UTRN: variants seen among roughly 807,000 people sequenced by gnomAD.
UTRN encodes the protein dystrophin-related protein 1.
UTRN carries 283 observed loss-of-function variants against 463.9 expected under a neutral mutation model. The observed-to-expected ratio is 0.61, with a 90% CI of 0.55 to 0.67. UTRN has a LOEUF of 0.67. Ranked by LOEUF, UTRN falls within the 30% of genes least tolerant of loss-of-function variation. UTRN has a pLI of 0.00. For missense variants in UTRN, 3,922 were observed against 4,084.3 expected, an observed-to-expected ratio of 0.96 and a Z score of 1.08; for synonymous variants, 1,442 against 1,431.5, an observed-to-expected ratio of 1.01 and a Z score of -0.17.
intron 3 of UTRN, among the ~76,000 whole-genome samples, chr6:144,407,796 C>T (rs989856021): frequency 5.3e-5 from 8 of 152,128 alleles, no homozygotes; most frequent in African/African-American, 1.7e-4. Flanking sequence ...TCCTTGTGAA[C>T]ATATCATGGA....
intron 45 of UTRN, among the ~76,000 whole-genome samples, chr6:144,540,930 T>G (rs1258154668): frequency 6.6e-6 from 1 of 152,216 alleles, no homozygotes; most frequent in Non-Finnish European, 1.5e-5. Flanking sequence ...CTACAATTCT[T>G]TCGACTTTTC....
chr6:144,745,218 T>C (rs1790581207), intron 54 of UTRN, among the ~76,000 whole-genome samples: 1 of 152,214 alleles, frequency 6.6e-6, no homozygotes, highest in African/African-American at 2.4e-5. Flanking sequence ...AAGTAACATT[T>C]GTCCTTTGAT....
intron 10 of UTRN, among the ~76,000 whole-genome samples, chr6:144,436,619 G>T (rs2114889339): frequency 6.6e-6 from 1 of 151,742 alleles, no homozygotes; most frequent in East Asian, 1.9e-4. Flanking sequence ...ACTATATGGA[G>T]ATTTCTTTTG....
At chr6:144,403,495 T>C (rs1783107609) in intron 3 of UTRN, among the ~76,000 whole-genome samples, 1 of 152,192 alleles carries the variant, frequency 6.6e-6, no homozygotes, top group African/African-American at 2.4e-5. Flanking sequence ...GGAAAATTTT[T>C]GAGTTCTCTT....
chr6:144,313,106 T>C (rs1381267655), intron 2 of UTRN, among the ~76,000 whole-genome samples: 1 of 152,234 alleles, frequency 6.6e-6, no homozygotes, highest in African/African-American at 2.4e-5. Flanking sequence ...TGTTGTTCCA[T>C]TTTCTTGATG....
At chr6:144,801,548 T>C (rs1439651826) in intron 64 of UTRN, among the ~76,000 whole-genome samples, 1 of 152,106 alleles carries the variant, frequency 6.6e-6, no homozygotes, top group Non-Finnish European at 1.5e-5. Flanking sequence ...ATATATTTCA[T>C]TTTCCCCGAA....
intron 58 of UTRN, among the ~76,000 whole-genome samples, chr6:144,763,556 A>G (rs1171339306): frequency 6.6e-6 from 1 of 152,192 alleles, no homozygotes. Flanking sequence ...GCAGAACTAC[A>G]TATACCGTCT....
chr6:144,657,108 G>A (rs1779385557), intron 51 of UTRN, among the ~76,000 whole-genome samples: 1 of 152,132 alleles, frequency 6.6e-6, no homozygotes, highest in South Asian at 2.1e-4. Context: ...AAATTAGCCA[G>A]GCGTGGTGGC....
chr6:144,693,116 G>A (rs1586049082), intron 52 of UTRN, among the ~76,000 whole-genome samples: 1 of 151,996 alleles, frequency 6.6e-6, no homozygotes, highest in South Asian at 2.1e-4. Context: ...CATATGGCTA[G>A]CCAGTTACCC....
intron 2 of UTRN, among the ~76,000 whole-genome samples, chr6:144,303,374 C>T (rs1247754792): frequency 6.6e-6 from 1 of 152,216 alleles, no homozygotes; most frequent in Non-Finnish European, 1.5e-5. Flanking sequence ...ATGTAAACTT[C>T]ACCTTGGTGG....
At chr6:144,548,478 C>T (rs982066162) in intron 46 of UTRN, among the ~76,000 whole-genome samples, 162 bp from the exon 47 acceptor site, 30 of 152,116 alleles carry the variant, frequency 2.0e-4, no homozygotes, top group African/African-American at 6.0e-4. Context: ...ATGGATATTA[C>T]AGGTAATACC....
intron 19 of UTRN, among the ~76,000 whole-genome samples, chr6:144,456,877 T>A (rs1788888411): frequency 6.6e-6 from 1 of 151,990 alleles, no homozygotes; most frequent in Non-Finnish European, 1.5e-5. Flanking sequence ...GCCCAGGAAG[T>A]TTGGTGAAGG....
At chr6:144,835,650 G>A (rs1211140725) in intron 69 of UTRN, 130 bp from the exon 70 acceptor site, 4 of 1,175,468 alleles carry the variant, frequency 3.4e-6, no homozygotes, top group Non-Finnish European at 3.6e-6. Flanking sequence ...GGGAGGTCAT[G>A]GAGACACTGA....
In UTRN at chr6:144,646,866, T is replaced by C. The variant is rs182625656; in HGVS notation, c.7480-31540T>C. 1.3e-4 allele frequency among the ~76,000 whole-genome samples: 20 copies of C among 152,340 alleles called. No individual in the cohort carries two copies. In the East Asian group the frequency reaches 3.5e-3, roughly 26 times the overall value. ...GGCACACCTGTTCCTAATATTCTTA[T>C]GTAAATGGACCTATTTACATGTGAG... is the stretch of plus-strand genomic sequence containing the variant. On this transcript the variant is annotated intron_variant, in intron 51 of 74. Coordinates refer to ENST00000367545, the MANE Select transcript of UTRN (RefSeq NM_007124.3).
intron 22 of UTRN, 152 bp downstream of exon 22, chr6:144,461,494 G>T: frequency 1.1e-6 from 1 of 894,546 alleles, no homozygotes; most frequent in Non-Finnish European, 1.5e-6. Flanking sequence ...GGGTTAGTTT[G>T]ACCTCACATA....
intron 2 of UTRN, among the ~76,000 whole-genome samples, chr6:144,384,692 C>T (rs985979035): frequency 9.8e-5 from 15 of 152,288 alleles, no homozygotes; most frequent in African/African-American, 3.4e-4. Flanking sequence ...TGTCACTTAG[C>T]ACACTGTCCT....
At chr6:144,386,759 C>T (rs1018450067) in intron 2 of UTRN, among the ~76,000 whole-genome samples, 2 of 151,912 alleles carry the variant, frequency 1.3e-5, no homozygotes, top group African/African-American at 4.8e-5. Context: ...TGCATTTTAG[C>T]GGATGTGCAA....
intron 51 of UTRN, among the ~76,000 whole-genome samples, chr6:144,628,858 C>T (rs1343121892): frequency 2.0e-5 from 3 of 152,020 alleles, no homozygotes; most frequent in South Asian, 2.1e-4. Context: ...TTAAACTGCC[C>T]GGGCAGATAG....
intron 40 of UTRN, among the ~76,000 whole-genome samples, chr6:144,522,704 CA>C (rs1377435765): frequency 1.3e-5 from 2 of 152,030 alleles, no homozygotes; most frequent in East Asian, 3.9e-4. Flanking sequence ...TTGAAAATAT[CA>C]CTATTTCCAG....
Sources: allele counts gnomAD v4.1 joint callset (sites outside exome capture counted in the v4.1 genomes callset), GRCh38; gene constraint gnomAD v4.1.1; transcripts MANE v1.5; gene names NCBI Gene and HGNC (gene_info 2026-07-23, HGNC 2026-07-21).